Variants in YY1AP1 observed in about 807,000 individuals in gnomAD.
The protein encoded by YY1AP1 is YY1 associated protein 1, also known as YY1-associated protein 1.
A neutral mutation model predicts 39.9 loss-of-function variants in YY1AP1; 43 were observed. That is an observed-to-expected ratio of 1.08 (90% CI 0.84 to 1.39). YY1AP1 has a LOEUF of 1.39. YY1AP1 is among the 40% of genes most tolerant of loss of function. YY1AP1 has a pLI of 0.00. For missense variants in YY1AP1, 813 were observed against 900.7 expected, an observed-to-expected ratio of 0.90 and a Z score of 1.25; for synonymous variants, 292 against 331.3, an observed-to-expected ratio of 0.88 and a Z score of 1.29.
intron 9 of YY1AP1, among the ~76,000 whole-genome samples, chr1:155,667,977 C>T (rs1558304124): frequency 1.3e-5 from 2 of 151,622 alleles, no homozygotes; most frequent in East Asian, 1.9e-4. Context: ...CACACACACA[C>T]ATACATGCAT....
Position 155,668,781 on chromosome 1 carries a change from A to G in YY1AP1, c.729-4T>C, listed in dbSNP as rs1174048191. On this transcript the variant is annotated splice_region_variant and splice_polypyrimidine_tract_variant and intron_variant, in intron 8 of 10. Coordinates refer to ENST00000355499, the MANE Select transcript of YY1AP1 (RefSeq NM_139119.3). ...CTTCAGTCCTAAAGCTAACAAACTGAGAAAGGAGCAATAACACTAAATCTC... is the reference window on the plus strand; with the variant it reads ...CTTCAGTCCTAAAGCTAACAAACTGGGAAAGGAGCAATAACACTAAATCTC... 19 of 1,614,200 alleles carry G rather than the reference A, an allele frequency of 1.2e-5. No individual in the cohort carries two copies. Among genetic ancestry groups the G allele is most frequent in the Non-Finnish European group, 1.6e-5 (19 of 1,180,032 alleles).
intron 2 of YY1AP1, among the ~76,000 whole-genome samples, chr1:155,687,360 G>A (rs1208493474): frequency 6.9e-6 from 1 of 144,206 alleles, no homozygotes; most frequent in Non-Finnish European, 1.5e-5. Flanking sequence ...TTCCCAACAA[G>A]TAACTAGGGG....
rs1170371732 is a variant in YY1AP1, at chr1:155,660,226, C to T, written c.1684G>A (p.Val562Met). 1 of 1,614,192 alleles carries T rather than the reference C, an allele frequency of 6.2e-7. No individual in the cohort carries two copies. Among genetic ancestry groups the T allele is most frequent in the South Asian group, 1.1e-5 (1 of 91,088 alleles). ...CCACCGCCAAGGCTCACAATCTTCA[C>T]AGTGGTAGCAGGAACAGTGAAGATA... ...SVIFTVPATT[V>M]KIVSLGGGCN... Residue 562 changes from valine (V) to methionine (M), a missense_variant, in exon 11 of 11, where the codon GTG becomes ATG. By Grantham distance (21) the Val-to-Met change is conservative (BLOSUM62 1). Around this residue, in one of 3 missense-constraint regions of YY1AP1, gnomAD observed 586 missense variants for 647.4 expected, o/e 0.91. Coordinates refer to ENST00000355499, the MANE Select transcript of YY1AP1 (RefSeq NM_139119.3).
rs554059898 is a variant in YY1AP1 at position 155,668,624 on chromosome 1, C to T, written c.879+3G>A. On this transcript the variant is annotated splice_donor_region_variant and intron_variant, in intron 9 of 10. Transcript: ENST00000355499. ...CTGGATAGTGCATGCAGGAAACACT[C>T]ACTTTAATGATGTTGTCAGGAGCTC... The T allele has an allele frequency of 6.2e-7, 1 of 1,614,106 alleles. No individual in the cohort carries two copies. The highest frequency in any genetic ancestry group is 1.1e-5 in the South Asian group (1 of 91,068).
Position 155,679,519 on chromosome 1 carries a change from G to A in YY1AP1, c.22-7C>T, listed in dbSNP as rs758951396. ...ATCCCATCTCATCTTGGAACTGTGGGCAAAGGAAAGGGAGGGTTTTCCTGG... is the reference window on the plus strand; with the variant it reads ...ATCCCATCTCATCTTGGAACTGTGGACAAAGGAAAGGGAGGGTTTTCCTGG... On this transcript the variant is annotated splice_polypyrimidine_tract_variant and splice_region_variant and intron_variant, in intron 3 of 10. Transcript: ENST00000355499. The A allele has an allele frequency of 3.1e-6, 5 of 1,614,116 alleles. No homozygotes were observed. The Admixed American group carries it at 8.3e-5, about 27-fold the overall frequency.
chr1:155,663,939 C>A (rs1371251605), intron 9 of YY1AP1, among the ~76,000 whole-genome samples: 2 of 150,734 alleles, frequency 1.3e-5, no homozygotes, highest in Non-Finnish European at 3.0e-5. Flanking sequence ...CTTTGGGAGG[C>A]CAAGACAGGA....
intron 2 of YY1AP1, among the ~76,000 whole-genome samples, chr1:155,681,966 T>A (rs1454640813): frequency 1.3e-5 from 2 of 151,706 alleles, no homozygotes; most frequent in Admixed American, 1.3e-4. Flanking sequence ...ATTACAGACA[T>A]GAGCCACCCC....
intron 7 of YY1AP1, 81 bp from the exon 8 acceptor site, chr1:155,670,545 T>G (rs1347930554): frequency 1.3e-6 from 2 of 1,507,246 alleles, no homozygotes; most frequent in East Asian, 2.3e-5. Flanking sequence ...ATTTTTGCAT[T>G]TAGGTAGAGC....
intron 8 of YY1AP1, 109 bp from the exon 9 acceptor site, chr1:155,668,886 C>A: frequency 6.6e-7 from 1 of 1,518,040 alleles, no homozygotes; most frequent in Non-Finnish European, 9.0e-7. Flanking sequence ...GTTCTTAAAA[C>A]AAGGTCTCAC....
chr1:155,663,799 T>C (rs1394387190), intron 9 of YY1AP1, among the ~76,000 whole-genome samples: 1 of 151,980 alleles, frequency 6.6e-6, no homozygotes, highest in East Asian at 1.9e-4. Flanking sequence ...CTAAGGCATA[T>C]TATCATGCAT....
chr1:155,661,812 C>G (rs1389984285), intron 9 of YY1AP1, among the ~76,000 whole-genome samples: 1 of 152,126 alleles, frequency 6.6e-6, no homozygotes, highest in Non-Finnish European at 1.5e-5. Flanking sequence ...CCCGCCACCA[C>G]ACCCGGCTGA....
intron 3 of YY1AP1, chr1:155,680,117 G>A: frequency 3.5e-6 from 1 of 282,014 alleles, no homozygotes; most frequent in Non-Finnish European, 6.7e-6. Flanking sequence ...GGTCGAGGCT[G>A]CTGTGAGCTG....
At chr1:155,683,413 C>T (rs1651790853) in intron 2 of YY1AP1, among the ~76,000 whole-genome samples, 1 of 152,094 alleles carries the variant, frequency 6.6e-6, no homozygotes, top group Non-Finnish European at 1.5e-5. Flanking sequence ...CTTTGGGAGG[C>T]TGAGGCAGGT....
chr1:155,670,017 C>A (rs1322418217), intron 8 of YY1AP1, among the ~76,000 whole-genome samples: 1 of 152,098 alleles, frequency 6.6e-6, no homozygotes, highest in East Asian at 1.9e-4. Context: ...AGAGTAAGAT[C>A]CTGTCTCTAA....
At chr1:155,687,624 C>A (rs1223976325) in intron 2 of YY1AP1, among the ~76,000 whole-genome samples, 1 of 145,760 alleles carries the variant, frequency 6.9e-6, no homozygotes, top group East Asian at 1.9e-4. Context: ...AAACGTACAA[C>A]ACTGAGATCA....
chr1:155,668,692 C>G lies in YY1AP1; in HGVS notation c.814G>C (p.Ala272Pro), dbSNP rs531386348. ...TTGATTCTCACTGTCAGTTGGCGGG[C>G]AGTCTTGCAGGTTAGAAGGTACTTG... Reference protein sequence around the residue: ...ISKYLLTCKTARQLTVRIKNL... With the variant: ...ISKYLLTCKTPRQLTVRIKNL... Residue 272 changes from alanine (A) to proline (P), a missense_variant, in exon 9 of 11, where the codon GCC (alanine) becomes CCC (proline). Ala to Pro is a conservative substitution (Grantham distance 27). This residue lies in a region of YY1AP1 where 586 missense variants were observed against 647.4 expected (regional missense o/e 0.91). Coordinates refer to ENST00000355499, the MANE Select transcript of YY1AP1 (RefSeq NM_139119.3). 2 of 1,614,174 alleles carry G rather than the reference C, an allele frequency of 1.2e-6. No homozygotes were observed. Among genetic ancestry groups the G allele is most frequent in the South Asian group, 2.2e-5 (2 of 91,076 alleles).
intron 8 of YY1AP1, among the ~76,000 whole-genome samples, chr1:155,669,758 G>A (rs1649566083): frequency 6.6e-6 from 1 of 152,144 alleles, no homozygotes; most frequent in South Asian, 2.1e-4. Context: ...TGGGTGTGGT[G>A]GCTTATGCCT....
chr1:155,686,088 G>A (rs747787884), intron 2 of YY1AP1, among the ~76,000 whole-genome samples: 31 of 134,120 alleles, frequency 2.3e-4, no homozygotes, highest in Non-Finnish European at 3.1e-5. Flanking sequence ...AGGCTGGAGT[G>A]CAGTGGCGCA....
chr1:155,677,102 T>TTAC (rs370567812), intron 4 of YY1AP1, among the ~76,000 whole-genome samples: 1 of 152,164 alleles, frequency 6.6e-6, no homozygotes, highest in African/African-American at 2.4e-5. Context: ...TCATTACTTG[T>TTAC]TACTCCCTGG....
Sources: allele counts gnomAD v4.1 joint callset (sites outside exome capture counted in the v4.1 genomes callset), GRCh38; gene constraint gnomAD v4.1.1; regional missense constraint gnomAD v4.1.1; transcripts MANE v1.5; gene names NCBI Gene and HGNC (gene_info 2026-07-23, HGNC 2026-07-21).